STAU1: variants seen among roughly 807,000 people sequenced by gnomAD.
STAU1 encodes the protein double-stranded RNA-binding protein Staufen homolog 1.
In STAU1, 13 loss-of-function variants were observed where a neutral mutation model predicts 62.9. The ratio of observed to expected loss-of-function variants is 0.21; its 90% CI spans 0.13 to 0.33. STAU1 has a LOEUF of 0.33. Among genes scored for constraint, STAU1 ranks in the 10% least tolerant of loss-of-function variants. The pLI, the probability that STAU1 is intolerant of heterozygous loss-of-function variation, is 1.00. For missense variants in STAU1, 571 were observed against 712.1 expected (o/e 0.80, Z 2.25); for synonymous variants, 269 against 265.1 (o/e 1.01, Z -0.14).
rs376767195 is a variant in STAU1, at chr20:49,122,635, T to C, written c.966+457A>G. Among the ~76,000 whole-genome samples the C allele has an allele frequency of 2.3e-4, 35 of 152,332 alleles. No homozygotes were observed. The East Asian group carries it at 4.8e-3, about 21-fold the overall frequency. On this transcript the variant is annotated intron_variant, in intron 8 of 13. Transcript: ENST00000371856. Reference sequence around the variant, plus strand: ...ACAAGGTCTTAATAAGGATCACAGTTGGCTGGGCGAGGTGGCTCACGCCTG... The same window carrying C: ...ACAAGGTCTTAATAAGGATCACAGTCGGCTGGGCGAGGTGGCTCACGCCTG...
chr20:49,149,344 A>C (rs112437834), intron 5 of STAU1, among the ~76,000 whole-genome samples: 3,100 of 151,234 alleles, frequency 0.02, 49 homozygotes, highest in African/African-American at 0.038. Flanking sequence ...ACACACACAC[A>C]CCCCCAAGCA....
intron 5 of STAU1, among the ~76,000 whole-genome samples, chr20:49,142,357 G>A (rs1415080659): frequency 6.6e-6 from 1 of 152,026 alleles, no homozygotes; most frequent in African/African-American, 2.4e-5. Flanking sequence ...CAAAGTGCTG[G>A]AATTACAGGC....
the STAU1 span, among the ~76,000 whole-genome samples, chr20:49,200,880 C>A: frequency 1.3e-5 from 2 of 149,884 alleles, no homozygotes; most frequent in East Asian, 2.0e-4. Flanking sequence ...ACCAAAAAAA[C>A]CCACAAAAAG....
At chr20:49,216,741 T>C in the STAU1 span, among the ~76,000 whole-genome samples, 1 of 152,060 alleles carries the variant, frequency 6.6e-6, no homozygotes, top group Non-Finnish European at 1.5e-5. Flanking sequence ...ACATGGGACG[T>C]GGCAGGGAAG....
Position 49,146,744 on chromosome 20 carries a change from C to T in STAU1, c.510+4838G>A, listed in dbSNP as rs185948218. Reference sequence around the variant, plus strand: ...GGAAAGAAAGAAACAAAAATACATACACACTGAAACACCAACAGGATCACA... The same window carrying T: ...GGAAAGAAAGAAACAAAAATACATATACACTGAAACACCAACAGGATCACA... On this transcript the variant is annotated intron_variant, in intron 5 of 13. Coordinates refer to ENST00000371856, the MANE Select transcript of STAU1 (RefSeq NM_017453.4). Among the ~76,000 whole-genome samples the T allele has an allele frequency of 5.9e-5, 9 of 151,748 alleles. No homozygotes were observed. The East Asian group carries it at 1.7e-3, about 29-fold the overall frequency.
At chr20:49,165,307 T>C (rs1227392739) in intron 3 of STAU1, among the ~76,000 whole-genome samples, 2 of 151,192 alleles carry the variant, frequency 1.3e-5, no homozygotes, top group Non-Finnish European at 1.5e-5. Context: ...CCTCCCAAAG[T>C]GCTGGGATTA....
intron 6 of STAU1, among the ~76,000 whole-genome samples, chr20:49,134,100 G>A (rs2092814313): frequency 6.6e-6 from 1 of 152,188 alleles, no homozygotes; most frequent in South Asian, 2.1e-4. Flanking sequence ...AGAATCTGCT[G>A]TGGGTCAGAC....
intron 4 of STAU1, among the ~76,000 whole-genome samples, chr20:49,153,670 C>CACTG (rs1285582142): frequency 7.7e-6 from 1 of 130,324 alleles, no homozygotes; most frequent in Non-Finnish European, 1.6e-5. Flanking sequence ...GAGACTGCAC[C>CACTG]ACTGCACTCC....
intron 1 of STAU1, among the ~76,000 whole-genome samples, chr20:49,178,625 C>G (rs867519788): frequency 6.6e-6 from 1 of 152,094 alleles, no homozygotes; most frequent in Non-Finnish European, 1.5e-5. Context: ...GTGGCACATG[C>G]CTGTAATCCC....
intron 5 of STAU1, among the ~76,000 whole-genome samples, chr20:49,145,233 G>C (rs998193815): frequency 1.3e-4 from 20 of 151,736 alleles, no homozygotes; most frequent in Admixed American, 2.6e-4. Flanking sequence ...AGATGAGCCT[G>C]GCCAACATGG....
intron 13 of STAU1, among the ~76,000 whole-genome samples, chr20:49,115,523 A>G (rs1404186574): frequency 6.6e-6 from 1 of 152,032 alleles, no homozygotes; most frequent in Non-Finnish European, 1.5e-5. Context: ...CTGGTCTTAA[A>G]CACCTGACAC....
chr20:49,148,490 G>T (rs1413586992), intron 5 of STAU1, among the ~76,000 whole-genome samples: 1 of 152,192 alleles, frequency 6.6e-6, no homozygotes, highest in African/African-American at 2.4e-5. Context: ...AAGCGTTTAG[G>T]GTAAGGGATA....
the STAU1 span, among the ~76,000 whole-genome samples, chr20:49,193,635 C>A: frequency 2.6e-5 from 4 of 151,936 alleles, no homozygotes; most frequent in Admixed American, 2.6e-4. Flanking sequence ...CATACCACTG[C>A]AACTCCAGCC....
chr20:49,125,198 C>CAAA lies in STAU1; in HGVS notation c.610-614_610-612dup, dbSNP rs1171534142. Among the ~76,000 whole-genome samples, 32 of 33,730 alleles carry CAAA rather than the reference C, an allele frequency of 9.5e-4. 2 individuals are homozygous for CAAA. The highest frequency in any genetic ancestry group is 1.7e-3 in the African/African-American group (19 of 11,004). 22.1% of individuals were successfully genotyped at this position (33,730 alleles called of 152,430 possible). ...ACACACATTTATAAGCTCATTTTTG[C>CAAA]AAAAAAAAAAAAAAAAAAAAAAAAA... On this transcript the variant is annotated intron_variant, in intron 6 of 13. Transcript: ENST00000371856.
At chr20:49,185,895 A>G (rs1392844154) in intron 1 of STAU1, among the ~76,000 whole-genome samples, 1 of 151,526 alleles carries the variant, frequency 6.6e-6, no homozygotes, top group Non-Finnish European at 1.5e-5. Flanking sequence ...GTTTTTTTGG[A>G]GAGAGTCTCT....
At chr20:49,180,266 T>C (rs1309276055) in intron 1 of STAU1, among the ~76,000 whole-genome samples, 1 of 151,848 alleles carries the variant, frequency 6.6e-6, no homozygotes, top group Non-Finnish European at 1.5e-5. Context: ...AGCAGAATGT[T>C]AGAATTCAGA....
chr20:49,126,830 C>A (rs1041699391), intron 6 of STAU1, among the ~76,000 whole-genome samples: 25 of 151,710 alleles, frequency 1.6e-4, no homozygotes, highest in African/African-American at 6.0e-4. Context: ...AAAAATAGTA[C>A]CAGAGCAACT....
At chr20:49,175,391 T>C (rs550315299) in intron 1 of STAU1, among the ~76,000 whole-genome samples, 35 of 152,170 alleles carry the variant, frequency 2.3e-4, no homozygotes, top group Non-Finnish European at 4.6e-4. Context: ...CAGAGACACA[T>C]TTATAAGAGA....
the STAU1 span, among the ~76,000 whole-genome samples, chr20:49,200,425 C>T: frequency 2.0e-5 from 3 of 151,976 alleles, no homozygotes; most frequent in African/African-American, 4.8e-5. Context: ...GGTGAAACAC[C>T]GTCTCTACTA....
Sources: gnomAD v4.1 joint callset for allele counts (sites outside exome capture counted in the v4.1 genomes callset) on GRCh38, gnomAD v4.1.1 for gene constraint, MANE v1.5 for transcripts, NCBI Gene and HGNC (gene_info 2026-07-23, HGNC 2026-07-21) for gene names.